STX8: variants seen among roughly 807,000 people sequenced by gnomAD.
STX8 encodes the protein syntaxin 8, also known as syntaxin-8.
STX8 carries 23 observed loss-of-function variants against 37.5 expected under a neutral mutation model. That is an observed-to-expected ratio of 0.61 (90% CI 0.44 to 0.87). The LOEUF (loss-of-function observed/expected upper bound fraction) is 0.87. Ranked by LOEUF, STX8 falls within the 40% of genes least tolerant of loss-of-function variation. The pLI is 0.00. For synonymous variants in STX8, 115 were observed against 99.1 expected (o/e 1.16, Z -0.95); for missense variants, 313 against 284.7 (o/e 1.10, Z -0.71).
At chr17:9,429,359 T>C (rs1263703571) in intron 6 of STX8, among the ~76,000 whole-genome samples, 1 of 145,602 alleles carries the variant, frequency 6.9e-6, no homozygotes, top group Non-Finnish European at 1.5e-5. Flanking sequence ...ATATAATATA[T>C]AATAAATATT....
At chr17:9,324,774 A>G (rs1394199418) in intron 7 of STX8, among the ~76,000 whole-genome samples, 1 of 151,274 alleles carries the variant, frequency 6.6e-6, no homozygotes, top group Non-Finnish European at 1.5e-5. Context: ...TCAAAAAAAA[A>G]AAAAAAAAAA....
chr17:9,409,071 T>A (rs375209331), intron 6 of STX8, among the ~76,000 whole-genome samples: 5 of 151,520 alleles, frequency 3.3e-5, no homozygotes, highest in Admixed American at 2.6e-4. Context: ...CAGCAGCCAC[T>A]GCCCAACCCC....
chr17:9,282,483 A>G (rs947240395), intron 7 of STX8, among the ~76,000 whole-genome samples: 6 of 152,166 alleles, frequency 3.9e-5, no homozygotes, highest in African/African-American at 1.4e-4. Flanking sequence ...GGTAGAGTAC[A>G]TTTCTTCATT....
rs969670586 is a variant in STX8 at position 9,313,424 on chromosome 17, A to G, written c.644-62779T>C. Among the ~76,000 whole-genome samples the G allele has an allele frequency of 3.3e-5, 5 of 152,332 alleles. No homozygotes were observed. The South Asian group carries it at 1.0e-3, about 32-fold the overall frequency. ...CCCAACCAAGTTTTGAGGATTCACA[A>G]TCAGCACCAATAGATCCAATAATCC... is the stretch of plus-strand genomic sequence containing the variant. On this transcript the variant is annotated intron_variant, in intron 7 of 7. Coordinates refer to ENST00000306357, the MANE Select transcript of STX8 (RefSeq NM_004853.3).
intron 7 of STX8, among the ~76,000 whole-genome samples, chr17:9,298,627 C>G (rs1908652977): frequency 6.6e-6 from 1 of 152,156 alleles, no homozygotes; most frequent in African/African-American, 2.4e-5. Context: ...TCCTGGCCAA[C>G]ATGGTGAAAC....
intron 7 of STX8, among the ~76,000 whole-genome samples, chr17:9,295,558 C>G (rs1908485362): frequency 6.6e-6 from 1 of 152,050 alleles, no homozygotes; most frequent in African/African-American, 2.4e-5. Flanking sequence ...GCCTGGCCAA[C>G]AGGTGAAATC....
chr17:9,518,713 A>C (rs190224888), intron 4 of STX8, among the ~76,000 whole-genome samples: 118 of 152,078 alleles, frequency 7.8e-4, no homozygotes, highest in Admixed American at 1.7e-3. Context: ...CTAAAAATAC[A>C]AAAAATTAGC....
chr17:9,393,919 C>G lies in STX8; in HGVS notation c.542-15266G>C, dbSNP rs549818242. Among the ~76,000 whole-genome samples, 7 of 152,128 alleles carry G rather than the reference C, an allele frequency of 4.6e-5. No individual in the cohort carries two copies. The South Asian group carries it at 1.5e-3, about 32-fold the overall frequency. On this transcript the variant is annotated intron_variant, in intron 6 of 7. Transcript: ENST00000306357. Reference sequence around the variant, plus strand: ...GGGTCCCATTTGTGTAGTGGCTAAACAAACCTACACATGTGTAAAAATTCA... The same window carrying G: ...GGGTCCCATTTGTGTAGTGGCTAAAGAAACCTACACATGTGTAAAAATTCA...
chr17:9,547,793 T>G (rs1906605726), intron 3 of STX8, among the ~76,000 whole-genome samples: 1 of 133,830 alleles, frequency 7.5e-6, no homozygotes, highest in South Asian at 2.3e-4. Context: ...TTTTTTTTTT[T>G]TTTGTTTTGT....
At chr17:9,439,808 A>AT (rs945804680) in intron 6 of STX8, among the ~76,000 whole-genome samples, 7 of 151,842 alleles carry the variant, frequency 4.6e-5, no homozygotes, top group Non-Finnish European at 8.8e-5. Flanking sequence ...AAATTTTGCA[A>AT]TTTTTTAATC....
intron 6 of STX8, among the ~76,000 whole-genome samples, chr17:9,443,689 A>G (rs968589385): frequency 6.6e-5 from 10 of 152,118 alleles, no homozygotes; most frequent in Non-Finnish European, 1.0e-4. Context: ...TAACTCATTT[A>G]TATTATTTCT....
chr17:9,501,720 TC>T (rs1452714208), intron 5 of STX8, among the ~76,000 whole-genome samples: 1 of 151,318 alleles, frequency 6.6e-6, no homozygotes, highest in Non-Finnish European at 1.5e-5. Context: ...ACGCCTGTAA[TC>T]CCAGCACTTT....
chr17:9,323,667 GAAAAAATGAA>G (rs1909650705), intron 7 of STX8, among the ~76,000 whole-genome samples: 2 of 152,094 alleles, frequency 1.3e-5, no homozygotes, highest in South Asian at 4.1e-4. Flanking sequence ...CAGCACTGGA[GAAAAAATGAA>G]GAGAAGAGAG....
intron 7 of STX8, among the ~76,000 whole-genome samples, chr17:9,339,583 GGT>G (rs1445644711): frequency 6.6e-6 from 1 of 152,260 alleles, no homozygotes; most frequent in East Asian, 1.9e-4. Flanking sequence ...GAACCCAGGA[GGT>G]GGAGGTTGCA....
chr17:9,575,023 G>A (rs566549215), intron 1 of STX8, among the ~76,000 whole-genome samples: 1 of 152,136 alleles, frequency 6.6e-6, no homozygotes, highest in Non-Finnish European at 1.5e-5. Context: ...ACGTTATAGA[G>A]CTGTAATATG....
intron 6 of STX8, among the ~76,000 whole-genome samples, chr17:9,409,427 A>C (rs1237810605): frequency 6.6e-6 from 1 of 152,210 alleles, no homozygotes; most frequent in Non-Finnish European, 1.5e-5. Flanking sequence ...TTTTGGAGTT[A>C]AATGAGAAGA....
At chr17:9,485,605 A>G (rs1295171029) in intron 6 of STX8, among the ~76,000 whole-genome samples, 1 of 140,788 alleles carries the variant, frequency 7.1e-6, no homozygotes, top group Admixed American at 7.2e-5. Flanking sequence ...TTTTTTTTTG[A>G]GACAGAGTCT....
intron 4 of STX8, among the ~76,000 whole-genome samples, chr17:9,510,238 CA>C (rs1316002490): frequency 2.0e-5 from 3 of 152,076 alleles, no homozygotes; most frequent in Non-Finnish European, 2.9e-5. Context: ...GACAGAAAAT[CA>C]ACAAAGAAAC....
chr17:9,383,147 T>C (rs148980419), intron 6 of STX8, among the ~76,000 whole-genome samples: 80 of 152,334 alleles, frequency 5.3e-4, no homozygotes, highest in African/African-American at 1.9e-3. Flanking sequence ...GTAGGCACCT[T>C]GATCTTGACT....
Sources: allele counts gnomAD v4.1 joint callset (sites outside exome capture counted in the v4.1 genomes callset), GRCh38; gene constraint gnomAD v4.1.1; transcripts MANE v1.5; gene names NCBI Gene and HGNC (gene_info 2026-07-23, HGNC 2026-07-21).